The following CTNND2 variants were observed in gnomAD, a reference collection of about 807,000 sequenced individuals.
CTNND2 encodes catenin delta-2.
In CTNND2, 22 loss-of-function variants were observed where a neutral mutation model predicts 144.4. The ratio of observed to expected loss-of-function variants is 0.15; its 90% CI spans 0.11 to 0.22. CTNND2 has a LOEUF of 0.22. CTNND2 is among the 10% of genes least tolerant of loss of function. CTNND2 has a pLI of 1.00. For synonymous variants in CTNND2, 751 were observed against 695.6 expected (o/e 1.08, Z -1.25); for missense variants, 1,353 against 1,618.8 (o/e 0.84, Z 2.82).
At chr5:11,514,996 T>C (rs1222268360) in intron 3 of CTNND2, among the ~76,000 whole-genome samples, 1 of 151,084 alleles carries the variant, frequency 6.6e-6, no homozygotes, top group Non-Finnish European at 1.5e-5. Flanking sequence ...ATCACAATAA[T>C]GAAAAGAATG....
intron 2 of CTNND2, among the ~76,000 whole-genome samples, chr5:11,707,741 C>A (rs1785786118): frequency 6.6e-6 from 1 of 152,100 alleles, no homozygotes; most frequent in Admixed American, 6.6e-5. Context: ...CTTTTGTAAG[C>A]CAATATTTTA....
chr5:11,290,944 G>C (rs755213897), intron 9 of CTNND2, among the ~76,000 whole-genome samples: 6 of 152,220 alleles, frequency 3.9e-5, no homozygotes, highest in Non-Finnish European at 8.8e-5. Flanking sequence ...GATTTTAGCA[G>C]AGTCCTAGGG....
At chr5:11,894,573 G>A (rs1737248782) in intron 1 of CTNND2, among the ~76,000 whole-genome samples, 1 of 152,086 alleles carries the variant, frequency 6.6e-6, no homozygotes, top group Non-Finnish European at 1.5e-5. Context: ...CACCATTACT[G>A]TATTTTTGAA....
At chr5:11,871,338 A>C (rs1268809287) in intron 1 of CTNND2, among the ~76,000 whole-genome samples, 1 of 152,208 alleles carries the variant, frequency 6.6e-6, no homozygotes, top group East Asian at 1.9e-4. Flanking sequence ...GAAGTCTGTT[A>C]ATTTCCCTAT....
chr5:11,841,733 G>A (rs1395401349), intron 1 of CTNND2, among the ~76,000 whole-genome samples: 2 of 151,924 alleles, frequency 1.3e-5, no homozygotes, highest in African/African-American at 4.8e-5. Flanking sequence ...TTCCTGATCT[G>A]TAAAATGAGG....
At chr5:11,423,306 T>C (rs1762517604) in intron 3 of CTNND2, among the ~76,000 whole-genome samples, 1 of 152,220 alleles carries the variant, frequency 6.6e-6, no homozygotes, top group Non-Finnish European at 1.5e-5. Context: ...GTTGATTAAC[T>C]TGAACACTTC....
chr5:11,362,455 T>C (rs923357576), intron 8 of CTNND2, among the ~76,000 whole-genome samples: 6 of 152,148 alleles, frequency 3.9e-5, no homozygotes, highest in Non-Finnish European at 8.8e-5. Flanking sequence ...AGGGGTAACC[T>C]TGGTGGATGC....
At chr5:11,462,558 T>TC (rs1766313439) in intron 3 of CTNND2, among the ~76,000 whole-genome samples, 1 of 151,604 alleles carries the variant, frequency 6.6e-6, no homozygotes, top group East Asian at 1.9e-4. Flanking sequence ...ATTTTTTTTT[T>TC]CCCCAGAGTA....
chr5:11,162,636 C>G (rs555681738), intron 11 of CTNND2, among the ~76,000 whole-genome samples: 5 of 152,222 alleles, frequency 3.3e-5, no homozygotes, highest in African/African-American at 1.2e-4. Context: ...GAATCTCTAT[C>G]AAGCAACTTT....
chr5:11,724,346 CA>C lies in CTNND2; in HGVS notation c.174+7789del, dbSNP rs546292808. On this transcript the variant is annotated intron_variant, in intron 2 of 21. Transcript: ENST00000304623. ...TTGTTTTCAATATGAGCAGAGCTCT[CA>C]AAAGTGAGAGGATTTACACTCTAGA... Among the ~76,000 whole-genome samples, 686 of 152,042 alleles carry C rather than the reference CA, an allele frequency of 4.5e-3. 4 individuals carry two copies. The highest frequency in any genetic ancestry group is 0.016 in the African/African-American group (659 of 41,484).
chr5:11,120,127 C>A (rs1040824361), intron 12 of CTNND2, among the ~76,000 whole-genome samples: 1 of 152,176 alleles, frequency 6.6e-6, no homozygotes, highest in Admixed American at 6.5e-5. Flanking sequence ...TACTATATTA[C>A]AATGTGTAAG....
chr5:11,130,076 T>C (rs1755419162), intron 12 of CTNND2, among the ~76,000 whole-genome samples: 1 of 152,158 alleles, frequency 6.6e-6, no homozygotes, highest in South Asian at 2.1e-4. Context: ...ACTATGCACC[T>C]TACTGTCTTC....
At chr5:11,277,784 G>A (rs556988548) in intron 9 of CTNND2, among the ~76,000 whole-genome samples, 2 of 151,962 alleles carry the variant, frequency 1.3e-5, no homozygotes, top group African/African-American at 2.4e-5. Context: ...TGCCCGCCTC[G>A]GCCTCCCAAG....
chr5:11,203,699 A>G (rs926680679), intron 10 of CTNND2, among the ~76,000 whole-genome samples: 2 of 152,252 alleles, frequency 1.3e-5, no homozygotes, highest in African/African-American at 4.8e-5. Context: ...TTAAAAGTCA[A>G]ATCTTGAAAG....
chr5:11,006,815 T>C (rs1221431353), intron 18 of CTNND2, among the ~76,000 whole-genome samples: 1 of 152,150 alleles, frequency 6.6e-6, no homozygotes, highest in East Asian at 1.9e-4. Flanking sequence ...AGGACATTTC[T>C]CAAACATCGT....
chr5:11,626,511 A>G (rs754217252), intron 2 of CTNND2, among the ~76,000 whole-genome samples: 6 of 152,188 alleles, frequency 3.9e-5, no homozygotes, highest in Non-Finnish European at 8.8e-5. Context: ...TCCATCAACC[A>G]TCACAAATTG....
chr5:11,281,455 A>T (rs998779851), intron 9 of CTNND2, among the ~76,000 whole-genome samples: 1 of 152,246 alleles, frequency 6.6e-6, no homozygotes, highest in African/African-American at 2.4e-5. Flanking sequence ...GAATTCCACG[A>T]AGCAATGGCC....
intron 13 of CTNND2, among the ~76,000 whole-genome samples, chr5:11,116,360 C>A (rs1753544088): frequency 6.6e-6 from 1 of 152,178 alleles, no homozygotes; most frequent in South Asian, 2.1e-4. Flanking sequence ...TGCTAAGCAT[C>A]CTGCAATGCA....
In CTNND2 at chr5:11,199,508, G is replaced by A. The variant is rs1462909106; in HGVS notation, c.1915C>T (p.Pro639Ser). Reference sequence around the variant, plus strand: ...TTGCGGAGTAACCTCACCAGTGCTGGGATGCCACCACAGTTTTTCAGGGCA... The same window carrying A: ...TTGCGGAGTAACCTCACCAGTGCTGAGATGCCACCACAGTTTTTCAGGGCA... ...KIALKNCGGI[P>S]ALVRLLRKTT... Residue 639 changes from proline to serine, a missense_variant, in exon 11 of 22, where the codon CCA becomes TCA. By Grantham distance (74) the Pro-to-Ser change is moderately conservative. Transcript: ENST00000304623. 1.9e-6 allele frequency: 3 copies of A among 1,614,140 alleles called. No individual in the cohort carries two copies. In the South Asian group the frequency reaches 3.3e-5, roughly 18 times the overall value.
Sources: gnomAD v4.1 joint callset for allele counts (sites outside exome capture counted in the v4.1 genomes callset) on GRCh38, gnomAD v4.1.1 for gene constraint, MANE v1.5 for transcripts, NCBI Gene and HGNC (gene_info 2026-07-23, HGNC 2026-07-21) for gene names.